The following ADCY10 variants were observed in gnomAD, a reference collection of about 807,000 sequenced individuals.
The protein encoded by ADCY10 is adenylate cyclase type 10.
A neutral mutation model predicts 183.3 loss-of-function variants in ADCY10; 156 were observed. That is an observed-to-expected ratio of 0.85 (90% CI 0.75 to 0.97). The LOEUF (loss-of-function observed/expected upper bound fraction) is 0.97. Ranked by LOEUF, ADCY10 falls within the 50% of genes least tolerant of loss-of-function variation. The pLI is 0.00. For missense variants in ADCY10, 1,745 were observed against 1,934.3 expected (o/e 0.90, Z 1.84); for synonymous variants, 645 against 670.0 (o/e 0.96, Z 0.58).
intron 11 of ADCY10, among the ~76,000 whole-genome samples, chr1:167,879,098 A>G (rs1164430026): frequency 1.3e-5 from 2 of 152,210 alleles, no homozygotes; most frequent in Non-Finnish European, 2.9e-5. Context: ...AATGGGCTAG[A>G]AGAGGCGTGC....
chr1:167,895,166 G>A (rs1280033119), intron 7 of ADCY10, among the ~76,000 whole-genome samples: 4 of 147,860 alleles, frequency 2.7e-5, no homozygotes, highest in East Asian at 2.0e-4. Context: ...TGGTGGCAGA[G>A]TGAGACTCCA....
intron 32 of ADCY10, 26 bp downstream of exon 32, chr1:167,810,699 C>T: frequency 6.2e-7 from 1 of 1,613,334 alleles, no homozygotes. Flanking sequence ...CATCGCCACC[C>T]CGGTTTGCTA....
chr1:167,891,668 A>AG (rs1668607081), intron 8 of ADCY10, among the ~76,000 whole-genome samples: 1 of 151,502 alleles, frequency 6.6e-6, no homozygotes, highest in East Asian at 2.0e-4. Flanking sequence ...AAAAAAAAAA[A>AG]AAAGAAAGAA....
At chr1:167,868,570 C>G (rs1331138908) in intron 14 of ADCY10, among the ~76,000 whole-genome samples, 3 of 152,092 alleles carry the variant, frequency 2.0e-5, no homozygotes, top group Non-Finnish European at 4.4e-5. Context: ...GACAGCCCCC[C>G]ACTAGGCTAT....
intron 30 of ADCY10, among the ~76,000 whole-genome samples, chr1:167,818,792 G>T (rs959503588): frequency 1.3e-5 from 2 of 152,138 alleles, no homozygotes; most frequent in African/African-American, 4.8e-5. Context: ...ACCCGCCTTG[G>T]CCTCCCAAAG....
intron 17 of ADCY10, among the ~76,000 whole-genome samples, chr1:167,855,598 C>A (rs1229795041): frequency 6.6e-6 from 1 of 152,140 alleles, no homozygotes; most frequent in East Asian, 1.9e-4. Flanking sequence ...ACCCATACCC[C>A]CCATGATGAA....
chr1:167,882,271 G>A (rs1050803486), intron 9 of ADCY10, among the ~76,000 whole-genome samples: 1 of 152,008 alleles, frequency 6.6e-6, no homozygotes, highest in South Asian at 2.1e-4. Flanking sequence ...GATCACTTGA[G>A]GTCAGGAATT....
In ADCY10 at chr1:167,859,794, C is replaced by T; in HGVS notation, c.1896+13G>A. On this transcript the variant is annotated intron_variant, in intron 16 of 32. Coordinates refer to ENST00000367851, the MANE Select transcript of ADCY10 (RefSeq NM_018417.6). ...TTTCTTCCCCCTACTTCTTGACCCA[C>T]AGATGCTCTTACCAGCTTCAAGATC... 2 of 1,606,460 alleles carry T rather than the reference C, an allele frequency of 1.2e-6. No homozygotes were observed. The highest frequency in any genetic ancestry group is 1.7e-6 in the Non-Finnish European group (2 of 1,173,076).
rs117350080 is a variant in ADCY10 at position 167,880,224 on chromosome 1, G to T, written c.1140-33C>A. 190 of 1,563,712 alleles carry T rather than the reference G, an allele frequency of 1.2e-4. 2 individuals are homozygous for T. In the East Asian group the frequency reaches 3.5e-3, roughly 28 times the overall value. On this transcript the variant is annotated intron_variant, in intron 10 of 32. Coordinates refer to ENST00000367851, the MANE Select transcript of ADCY10 (RefSeq NM_018417.6). Reference sequence around the variant, plus strand: ...AGGGGAGACAAGATTTGTGGGGAAAGAAATAAAGATAATGAGCGTAGAGAA... The same window carrying T: ...AGGGGAGACAAGATTTGTGGGGAAATAAATAAAGATAATGAGCGTAGAGAA...
intron 21 of ADCY10, among the ~76,000 whole-genome samples, chr1:167,842,332 AG>A (rs1664708978): frequency 2.0e-5 from 3 of 152,200 alleles, no homozygotes; most frequent in Admixed American, 2.0e-4. Context: ...TTTTTTGTAG[AG>A]ACAGAGTCTC....
At chr1:167,843,245 A>G (rs1664781562) in intron 21 of ADCY10, among the ~76,000 whole-genome samples, 1 of 152,256 alleles carries the variant, frequency 6.6e-6, no homozygotes, top group East Asian at 1.9e-4. Context: ...CCAGCTGCTC[A>G]AACTGACCTA....
At chr1:167,822,882 C>T (rs1663001321) in intron 29 of ADCY10, 126 bp downstream of exon 29, 1 of 816,034 alleles carries the variant, frequency 1.2e-6, no homozygotes, top group African/African-American at 1.7e-5. Context: ...CTCTCTCCAT[C>T]CCTGCCCTGT....
intron 14 of ADCY10, among the ~76,000 whole-genome samples, chr1:167,867,485 G>A (rs1227621455): frequency 2.0e-5 from 3 of 152,088 alleles, no homozygotes; most frequent in Non-Finnish European, 4.4e-5. Context: ...ATTATTTCAT[G>A]GTTATTATAA....
At chr1:167,831,520 C>T (rs558610001) in intron 25 of ADCY10, among the ~76,000 whole-genome samples, 43 of 152,216 alleles carry the variant, frequency 2.8e-4, no homozygotes, top group African/African-American at 8.4e-4. Context: ...ATAGGGCATT[C>T]GTGAGGGTCA....
Position 167,872,039 on chromosome 1 carries a change from T to TA in ADCY10, c.1463-1630dup, listed in dbSNP as rs1667139584. Among the ~76,000 whole-genome samples, 3 of 151,860 alleles carry TA rather than the reference T, an allele frequency of 2.0e-5. No individual in the cohort carries two copies. In the South Asian group the frequency reaches 6.2e-4, roughly 32 times the overall value. On this transcript the variant is annotated intron_variant, in intron 13 of 32. Transcript: ENST00000367851. Reference sequence around the variant, plus strand: ...AGTATAATAATAAAAAATAAATAAATAAAAAATAATAAAGTTTCCAGGCTG... The same window carrying TA: ...AGTATAATAATAAAAAATAAATAAATAAAAAAATAATAAAGTTTCCAGGCTG...
intron 8 of ADCY10, among the ~76,000 whole-genome samples, chr1:167,889,945 C>T (rs203858): frequency 0.26 from 39,931 of 152,028 alleles, 5,645 homozygotes; most frequent in African/African-American, 0.37. Context: ...GTTAACATGG[C>T]TGAAAGTTTC....
At chr1:167,870,203 A>G in intron 14 of ADCY10, 54 bp downstream of exon 14, 2 of 1,604,922 alleles carry the variant, frequency 1.2e-6, no homozygotes, top group Non-Finnish European at 8.5e-7. Flanking sequence ...AGGAGCATCA[A>G]AATAAATCAG....
chr1:167,809,860 CA>C, intron 32 of ADCY10, 21 bp from the exon 33 acceptor site: 1 of 1,612,670 alleles, frequency 6.2e-7, no homozygotes, highest in Non-Finnish European at 8.5e-7. Flanking sequence ...AGAAACAGAA[CA>C]AAGAAATCAT....
chr1:167,814,578 C>G (rs1662410873), intron 31 of ADCY10, among the ~76,000 whole-genome samples: 3 of 151,998 alleles, frequency 2.0e-5, no homozygotes, highest in African/African-American at 7.3e-5. Context: ...GGAGACTTCA[C>G]TAACAGTCAA....
Sources: allele counts gnomAD v4.1 joint callset (sites outside exome capture counted in the v4.1 genomes callset), GRCh38; gene constraint gnomAD v4.1.1; transcripts MANE v1.5; gene names NCBI Gene and HGNC (gene_info 2026-07-23, HGNC 2026-07-21).